Variants in CACNA2D3 observed in about 807,000 individuals in gnomAD.
CACNA2D3 encodes voltage-dependent calcium channel subunit alpha-2/delta-3.
CACNA2D3 carries 60 observed loss-of-function variants against 160.6 expected under a neutral mutation model. The ratio of observed to expected loss-of-function variants is 0.37; its 90% CI spans 0.30 to 0.46. CACNA2D3 has a LOEUF of 0.46. Among genes scored for constraint, CACNA2D3 ranks in the 20% least tolerant of loss-of-function variants. CACNA2D3 has a pLI of 1.00. For synonymous variants in CACNA2D3, 558 were observed against 492.9 expected (o/e 1.13, Z -1.75); for missense variants, 1,205 against 1,365.0 (o/e 0.88, Z 1.85).
At chr3:54,649,643 C>T (rs531314423) in intron 11 of CACNA2D3, among the ~76,000 whole-genome samples, 8 of 152,118 alleles carry the variant, frequency 5.3e-5, no homozygotes, top group Non-Finnish European at 1.2e-4. Context: ...GGCATTGAGT[C>T]AAATGAGGAA....
chr3:54,475,614 T>C (rs1298182563), intron 4 of CACNA2D3, among the ~76,000 whole-genome samples: 1 of 152,186 alleles, frequency 6.6e-6, no homozygotes. Flanking sequence ...AGTCTCTGCC[T>C]ATAATGCTGT....
chr3:54,625,886 G>T (rs774740153), intron 9 of CACNA2D3, among the ~76,000 whole-genome samples: 2 of 152,296 alleles, frequency 1.3e-5, no homozygotes, highest in Admixed American at 6.5e-5. Context: ...CATTTTGGGG[G>T]TCCTAAGCAG....
intron 3 of CACNA2D3, among the ~76,000 whole-genome samples, chr3:54,385,327 T>G (rs949819107): frequency 6.6e-5 from 10 of 152,054 alleles, no homozygotes; most frequent in South Asian, 2.1e-4. Flanking sequence ...TATTTTCAGG[T>G]GAGGAAGCTG....
chr3:54,974,348 CTCCA>C (rs952112408), intron 29 of CACNA2D3, among the ~76,000 whole-genome samples: 1 of 152,198 alleles, frequency 6.6e-6, no homozygotes, highest in Non-Finnish European at 1.5e-5. Context: ...TTGGTGCTAT[CTCCA>C]TCTTTCAGAT....
intron 5 of CACNA2D3, among the ~76,000 whole-genome samples, chr3:54,535,247 G>T (rs1387188985): frequency 6.6e-6 from 1 of 152,208 alleles, no homozygotes; most frequent in African/African-American, 2.4e-5. Context: ...TGGAGAGAGT[G>T]CCCAGCAATC....
intron 4 of CACNA2D3, among the ~76,000 whole-genome samples, chr3:54,449,594 A>G (rs13324191): frequency 0.018 from 2,744 of 152,286 alleles, 42 homozygotes; most frequent in South Asian, 0.052. Flanking sequence ...TGATTGGATC[A>G]TGGGGGAGGT....
At chr3:54,381,193 T>G (rs551060266) in intron 3 of CACNA2D3, among the ~76,000 whole-genome samples, 2 of 152,270 alleles carry the variant, frequency 1.3e-5, no homozygotes, top group South Asian at 4.1e-4. Flanking sequence ...GTTTTTAGCT[T>G]TAGCATAAGA....
At chr3:54,141,667 ATCCAGG>A (rs1699938051) in intron 2 of CACNA2D3, among the ~76,000 whole-genome samples, 1 of 152,214 alleles carries the variant, frequency 6.6e-6, no homozygotes, top group South Asian at 2.1e-4. Flanking sequence ...GCAGCTTTTA[ATCCAGG>A]ATGTCAAAAT....
chr3:54,807,941 A>T (rs1267938175), intron 13 of CACNA2D3, among the ~76,000 whole-genome samples: 37 of 146,256 alleles, frequency 2.5e-4, no homozygotes, highest in South Asian at 8.9e-4. Flanking sequence ...CATTCTCAGT[A>T]AACTATCACA....
At chr3:54,875,201 G>A (rs1699631440) in intron 18 of CACNA2D3, 2 of 152,074 alleles carry the variant, frequency 1.3e-5, no homozygotes, top group African/African-American at 4.8e-5. Flanking sequence ...TCCAGCTCAT[G>A]CTTGAGCTCT....
chr3:54,161,043 G>A (rs1310117479), intron 2 of CACNA2D3, among the ~76,000 whole-genome samples: 1 of 152,188 alleles, frequency 6.6e-6, no homozygotes, highest in Non-Finnish European at 1.5e-5. Flanking sequence ...GAGCCTGTGT[G>A]CAGGTGGGAA....
chr3:54,654,913 G>C (rs1365340101), intron 11 of CACNA2D3, among the ~76,000 whole-genome samples: 1 of 152,126 alleles, frequency 6.6e-6, no homozygotes, highest in Non-Finnish European at 1.5e-5. Context: ...CTCCTCCATG[G>C]ATGCAACATC....
intron 2 of CACNA2D3, among the ~76,000 whole-genome samples, chr3:54,184,018 C>T (rs1184821494): frequency 6.6e-6 from 1 of 151,450 alleles, no homozygotes; most frequent in African/African-American, 2.4e-5. Flanking sequence ...GCATGCATTC[C>T]GGTGCATTTG....
At chr3:54,374,597 C>T (rs146853731) in intron 3 of CACNA2D3, among the ~76,000 whole-genome samples, 105 of 152,308 alleles carry the variant, frequency 6.9e-4, no homozygotes, top group African/African-American at 2.3e-3. Flanking sequence ...GCCCTTCTTT[C>T]GTTCAGTGTT....
At chr3:54,542,325 G>T (rs2106666354) in intron 5 of CACNA2D3, among the ~76,000 whole-genome samples, 1 of 152,244 alleles carries the variant, frequency 6.6e-6, no homozygotes, top group South Asian at 2.1e-4. Context: ...CTCCCAAAGT[G>T]CTGAGATTAC....
intron 27 of CACNA2D3, among the ~76,000 whole-genome samples, chr3:54,932,234 G>A (rs1228809318): frequency 6.6e-6 from 1 of 152,026 alleles, no homozygotes; most frequent in African/African-American, 2.4e-5. Context: ...TACCCATCTG[G>A]GAGAATATTC....
intron 29 of CACNA2D3, among the ~76,000 whole-genome samples, chr3:54,976,776 C>T (rs1305749423): frequency 6.6e-6 from 1 of 152,162 alleles, no homozygotes; most frequent in Non-Finnish European, 1.5e-5. Flanking sequence ...GCCCCTGCTC[C>T]AGAGCTCTCA....
intron 8 of CACNA2D3, among the ~76,000 whole-genome samples, chr3:54,574,300 C>T (rs1408526375): frequency 6.6e-6 from 1 of 152,004 alleles, no homozygotes; most frequent in Admixed American, 6.6e-5. Context: ...TAATGGAGGT[C>T]GGAGGAAAGA....
intron 17 of CACNA2D3, among the ~76,000 whole-genome samples, chr3:54,871,089 C>G (rs1005414382): frequency 2.0e-4 from 21 of 105,846 alleles, no homozygotes; most frequent in Non-Finnish European, 4.1e-4. Flanking sequence ...CACACACACA[C>G]ACACCATTCA....
Sources: gnomAD v4.1 joint callset for allele counts (sites outside exome capture counted in the v4.1 genomes callset) on GRCh38, gnomAD v4.1.1 for gene constraint, MANE v1.5 for transcripts, NCBI Gene and HGNC (gene_info 2026-07-23, HGNC 2026-07-21) for gene names.